The following AGAP1 variants were observed in gnomAD, a reference collection of about 807,000 sequenced individuals.
The protein encoded by AGAP1 is arf-GAP with GTPase, ANK repeat and PH domain-containing protein 1.
AGAP1 carries 29 observed loss-of-function variants against 105.3 expected under a neutral mutation model. That is an observed-to-expected ratio of 0.28 (90% CI 0.21 to 0.38). The LOEUF (loss-of-function observed/expected upper bound fraction) is 0.38. AGAP1 is among the 10% of genes least tolerant of loss of function. The pLI, the probability that AGAP1 is intolerant of heterozygous loss-of-function variation, is 1.00. For synonymous variants in AGAP1, 509 were observed against 485.9 expected (o/e 1.05, Z -0.63); for missense variants, 998 against 1,165.1 (o/e 0.86, Z 2.09).
chr2:236,004,201 T>C (rs2056236909), intron 13 of AGAP1, among the ~76,000 whole-genome samples: 1 of 152,172 alleles, frequency 6.6e-6, no homozygotes, highest in South Asian at 2.1e-4. Context: ...CTTGAGACCA[T>C]TCCTGAGTTT....
intron 1 of AGAP1, among the ~76,000 whole-genome samples, chr2:235,584,338 A>G (rs1046470873): frequency 1.3e-5 from 2 of 151,458 alleles, no homozygotes; most frequent in Non-Finnish European, 2.9e-5. Context: ...GAACAAGGTT[A>G]AGGGACGACT....
In AGAP1 at chr2:235,875,483, G is replaced by A. The variant is rs982463070; in HGVS notation, c.1051-7862G>A. On this transcript the variant is annotated intron_variant, in intron 9 of 17. Transcript: ENST00000304032. The surrounding 1 kb of genome is among the most constrained non-coding windows in gnomAD (Gnocchi z 4.0). ...GTCTGTGATGCCCACGAGGCTGTGCGGCTCAGGGCCAGGTCGGTTTTGAGT... is the reference window on the plus strand; with the variant it reads ...GTCTGTGATGCCCACGAGGCTGTGCAGCTCAGGGCCAGGTCGGTTTTGAGT... Among the ~76,000 whole-genome samples the A allele has an allele frequency of 2.0e-5, 3 of 152,168 alleles. No individual in the cohort carries two copies. The highest frequency in any genetic ancestry group is 4.8e-5 in the African/African-American group (2 of 41,440).
chr2:236,037,599 G>A (rs1164788950), intron 14 of AGAP1, among the ~76,000 whole-genome samples: 1 of 152,014 alleles, frequency 6.6e-6, no homozygotes, highest in East Asian at 1.9e-4. Context: ...GTGGAGGTGG[G>A]GTTTCATCAC....
chr2:235,849,884 C>T (rs1961979951), intron 9 of AGAP1, among the ~76,000 whole-genome samples: 1 of 152,258 alleles, frequency 6.6e-6, no homozygotes, highest in Non-Finnish European at 1.5e-5. Flanking sequence ...GAACAAGCCA[C>T]TCACACCCTG....
In AGAP1 at chr2:235,629,152, A is replaced by G. The variant is rs185677694; in HGVS notation, c.164-80027A>G. Among the ~76,000 whole-genome samples the G allele has an allele frequency of 5.9e-5, 9 of 152,266 alleles. No homozygotes were observed. In the South Asian group the frequency reaches 1.5e-3, roughly 25 times the overall value. ...ATACCTTAGCTCCCACCTATCCGTGAGAACAACAATGTTTGGTTTTCCATT... is the reference window on the plus strand; with the variant it reads ...ATACCTTAGCTCCCACCTATCCGTGGGAACAACAATGTTTGGTTTTCCATT... On this transcript the variant is annotated intron_variant, in intron 1 of 17. Transcript: ENST00000304032.
Position 235,608,290 on chromosome 2 carries a change from A to G in AGAP1, c.164-100889A>G, listed in dbSNP as rs966418289. On this transcript the variant is annotated intron_variant, in intron 1 of 17. Transcript: ENST00000304032. The surrounding 1 kb of genome is among the most constrained non-coding windows in gnomAD (Gnocchi z 5.4). ...GTCAGAATCAGAGCAGGCTGGATCC[A>G]TGGCCGTATTCTGTAAAATTCCATT... Among the ~76,000 whole-genome samples the G allele has an allele frequency of 6.6e-6, 1 of 152,224 alleles. No homozygotes were observed. The highest frequency in any genetic ancestry group is 2.4e-5 in the African/African-American group (1 of 41,464).
chr2:235,887,962 C>T lies in AGAP1; in HGVS notation c.1155+4513C>T, dbSNP rs1270894025. Reference sequence around the variant, plus strand: ...GTGCGGCAGCCCATCACCGGCAGCGCTTGCTCGTGGTGGTGAGGCCTCTCC... The same window carrying T: ...GTGCGGCAGCCCATCACCGGCAGCGTTTGCTCGTGGTGGTGAGGCCTCTCC... On this transcript the variant is annotated intron_variant, in intron 10 of 17. Transcript: ENST00000304032. The surrounding 1 kb of genome is among the most constrained non-coding windows in gnomAD (Gnocchi z 4.1). 6.6e-6 allele frequency among the ~76,000 whole-genome samples: 1 copy of T among 152,176 alleles called. No homozygotes were observed. The highest frequency in any genetic ancestry group is 2.4e-5 in the African/African-American group (1 of 41,454).
chr2:235,746,290 G>GAA lies in AGAP1; in HGVS notation c.538+1460_538+1461dup, dbSNP rs540335205. On this transcript the variant is annotated intron_variant, in intron 5 of 17. Transcript: ENST00000304032. ...GACAGAGGGAGACTCCATCTCAAGG[G>GAA]AAAAAAAAAACAAAACTATAAGTAT... 3.7e-3 allele frequency among the ~76,000 whole-genome samples: 463 copies of GAA among 125,210 alleles called. 3 individuals are homozygous for GAA. Among genetic ancestry groups the GAA allele is most frequent in the African/African-American group, 0.013 (431 of 34,244 alleles). 82.1% of individuals were successfully genotyped at this position (125,210 alleles called of 152,430 possible). A position where few individuals can be genotyped will look rare whatever the true frequency, so the allele number is the denominator to read the frequency against.
intron 11 of AGAP1, among the ~76,000 whole-genome samples, chr2:235,910,145 C>T (rs182089348): frequency 4.1e-3 from 73 of 17,804 alleles, no homozygotes; most frequent in African/African-American, 0.021. Context: ...GCATGAACGA[C>T]ACTGGTAGGT....
At position 236,042,654 on chromosome 2, in the gene AGAP1, G is replaced by T. The variant is rs2125686601; in HGVS notation, c.1891+1813G>T. 6.6e-6 allele frequency among the ~76,000 whole-genome samples: 1 copy of T among 152,238 alleles called. No homozygotes were observed. Among genetic ancestry groups the T allele is most frequent in the Non-Finnish European group, 1.5e-5 (1 of 68,010 alleles). On this transcript the variant is annotated intron_variant, in intron 15 of 17. Transcript: ENST00000304032. The surrounding 1 kb of genome is among the most constrained non-coding windows in gnomAD (Gnocchi z 5.6). ...GTGGCTTGCGGGGACCATGATACCT[G>T]GCAAATCGGAGGTCGCAGGTCCTGT...
intron 9 of AGAP1, among the ~76,000 whole-genome samples, chr2:235,808,928 C>T (rs1413832370): frequency 1.3e-5 from 2 of 152,188 alleles, no homozygotes; most frequent in East Asian, 1.9e-4. Flanking sequence ...CCTAACTCTG[C>T]ATAAGCTAAT....
At position 235,686,520 on chromosome 2, in the gene AGAP1, G is replaced by A. The variant is rs113172354; in HGVS notation, c.164-22659G>A. 3.8e-3 allele frequency among the ~76,000 whole-genome samples: 548 copies of A among 143,708 alleles called. 5 individuals carry two copies. Among genetic ancestry groups the A allele is most frequent in the African/African-American group, 0.013 (497 of 37,844 alleles). The allele number at this position is 143,708 out of a possible 152,430, so 94.3% of individuals were successfully genotyped here. Reference sequence around the variant, plus strand: ...CACTGCTGACAGATTGAAATTTGACGTCCGAATTCTGGTTCCCAGGAAGGA... The same window carrying A: ...CACTGCTGACAGATTGAAATTTGACATCCGAATTCTGGTTCCCAGGAAGGA... On this transcript the variant is annotated intron_variant, in intron 1 of 17. Transcript: ENST00000304032.
chr2:235,821,536 A>T (rs1221353703), intron 9 of AGAP1, among the ~76,000 whole-genome samples: 1 of 152,132 alleles, frequency 6.6e-6, no homozygotes, highest in East Asian at 1.9e-4. Flanking sequence ...GGGAACTTTA[A>T]AAATTTTAAC....
chr2:235,626,562 G>A (rs1946644588), intron 1 of AGAP1, among the ~76,000 whole-genome samples: 1 of 152,216 alleles, frequency 6.6e-6, no homozygotes, highest in South Asian at 2.1e-4. Context: ...AGTGACAGTG[G>A]ATTTTATAAG....
intron 6 of AGAP1, among the ~76,000 whole-genome samples, chr2:235,765,601 C>T (rs1462229110): frequency 6.6e-6 from 1 of 152,144 alleles, no homozygotes; most frequent in East Asian, 1.9e-4. Flanking sequence ...CTGGGCTGAG[C>T]AATCGCTTCC....
At chr2:236,029,484 C>T (rs542325787) in intron 13 of AGAP1, among the ~76,000 whole-genome samples, 57 of 151,116 alleles carry the variant, frequency 3.8e-4, no homozygotes, top group African/African-American at 1.3e-3. Context: ...TGGGGTTTTG[C>T]CATGTTGGCC....
intron 1 of AGAP1, among the ~76,000 whole-genome samples, chr2:235,585,866 T>G (rs1945092654): frequency 6.6e-6 from 1 of 152,192 alleles, no homozygotes; most frequent in South Asian, 2.1e-4. Context: ...TCGTCCTTTC[T>G]GTTTAATTGG....
Position 235,908,813 on chromosome 2 carries a change from C to A in AGAP1, c.1231C>A (p.Pro411Thr), listed in dbSNP as rs2051433152. Residue 411 changes from proline (P) to threonine (T), a missense_variant, in exon 11 of 18, where the codon CCC (proline) becomes ACC (threonine). Physicochemically the swap from Pro to Thr is conservative, Grantham distance 38. This residue lies in a region of AGAP1 where 735 missense variants were observed against 833.4 expected (regional missense o/e 0.88). Transcript: ENST00000304032. This position sits in a 1 kb window ranked among gnomAD's most constrained non-coding sequence, Gnocchi z 4.4. ...TTVKVPGKRP[P>T]RATSACAPIS... ...TGTGAAAGTCCCAGGGAAGAGGCCACCCCGAGCCACGTCAGCCTGCGCACC... is the reference window on the plus strand; with the variant it reads ...TGTGAAAGTCCCAGGGAAGAGGCCAACCCGAGCCACGTCAGCCTGCGCACC... 1.2e-6 allele frequency: 2 copies of A among 1,613,862 alleles called. No homozygotes were observed. The highest frequency in any genetic ancestry group is 1.7e-6 in the Non-Finnish European group (2 of 1,179,984).
In AGAP1 at chr2:235,553,085, C is replaced by T. The variant is rs1031019498; in HGVS notation, c.163+58236C>T. Reference sequence around the variant, plus strand: ...ATTTCATCTGCAAGTAGCATTAATACTATAACTGAATATACAGTCAGCTAC... The same window carrying T: ...ATTTCATCTGCAAGTAGCATTAATATTATAACTGAATATACAGTCAGCTAC... On this transcript the variant is annotated intron_variant, in intron 1 of 17. Coordinates refer to ENST00000304032, the MANE Select transcript of AGAP1 (RefSeq NM_001037131.3). This position sits in a 1 kb window ranked among gnomAD's most constrained non-coding sequence, Gnocchi z 4.5. Among the ~76,000 whole-genome samples the T allele has an allele frequency of 1.3e-5, 2 of 152,194 alleles. No individual in the cohort carries two copies. The highest frequency in any genetic ancestry group is 2.9e-5 in the Non-Finnish European group (2 of 68,036).
Sources: gnomAD v4.1 joint callset for allele counts (sites outside exome capture counted in the v4.1 genomes callset) on GRCh38, gnomAD v4.1.1 for gene constraint, gnomAD v4.1.1 regional missense constraint, Gnocchi (gnomAD v3.1) non-coding constraint, MANE v1.5 for transcripts, NCBI Gene and HGNC (gene_info 2026-07-23, HGNC 2026-07-21) for gene names.